SFRP4: variants seen among roughly 807,000 people sequenced by gnomAD.
The protein encoded by SFRP4 is secreted frizzled-related protein 4.
In SFRP4, 25 loss-of-function variants were observed where a neutral mutation model predicts 36.3. The observed-to-expected ratio is 0.69, with a 90% confidence interval of 0.50 to 0.96. The LOEUF (loss-of-function observed/expected upper bound fraction) is 0.96. SFRP4 is among the 40% of genes least tolerant of loss of function. The pLI is 0.00. For synonymous variants in SFRP4, 182 were observed against 168.8 expected, an observed-to-expected ratio of 1.08 and a Z score of -0.60; for missense variants, 487 against 459.6, an observed-to-expected ratio of 1.06 and a Z score of -0.54.
Position 37,916,187 on chromosome 7 carries a change from G to A in SFRP4, c.351C>T (p.His117=), listed in dbSNP as rs1323513000. The change falls in exon 1 of 6, where the codon CAC becomes CAT. Residue 117 remains histidine (H), a synonymous_variant. Transcript: ENST00000436072. This position sits in a 1 kb window ranked among gnomAD's most constrained non-coding sequence, Gnocchi z 4.1. ...CGCAGGCCAGGCTTTCGGGCCAGCT[G>A]TGGTTGTACATCTTCATGAGGGGCT... ...DCEPLMKMYN[H]SWPESLACDE... is the part of the protein sequence containing the mutation. 6.2e-7 allele frequency: 1 copy of A among 1,614,076 alleles called. No homozygotes were observed. The highest frequency in any genetic ancestry group is 2.2e-5 in the East Asian group (1 of 44,876).
intron 5 of SFRP4, among the ~76,000 whole-genome samples, chr7:37,909,381 G>A (rs1251629414): frequency 6.6e-6 from 1 of 152,136 alleles, no homozygotes; most frequent in Non-Finnish European, 1.5e-5. Flanking sequence ...GAAATAACCA[G>A]TACCTTAGTA....
intron 5 of SFRP4, among the ~76,000 whole-genome samples, chr7:37,909,168 T>C (rs1040485167): frequency 7.2e-5 from 11 of 152,160 alleles, no homozygotes; most frequent in African/African-American, 2.4e-4. Context: ...TTGCATATAA[T>C]TTTTGACAAA....
chr7:37,916,401 A>G lies in SFRP4; in HGVS notation c.137T>C (p.Leu46Pro), dbSNP rs1785577729. 1.2e-6 allele frequency: 2 copies of G among 1,614,024 alleles called. No homozygotes were observed. Among genetic ancestry groups the G allele is most frequent in the Non-Finnish European group, 1.7e-6 (2 of 1,180,012 alleles). ...GGCGTTCTCCTGCGTGCTGTGGTGC[A>G]GGTGGTTGGGCATCCGCGTGATGTT... Reference protein sequence around the residue: ...PWNITRMPNHLHHSTQENAIL... With the variant: ...PWNITRMPNHPHHSTQENAIL... Residue 46 changes from leucine to proline, a missense_variant, in exon 1 of 6, where the codon CTG becomes CCG. Transcript: ENST00000436072. This position sits in a 1 kb window ranked among gnomAD's most constrained non-coding sequence, Gnocchi z 4.1.
rs918838533 is a variant in SFRP4 at position 37,907,740 on chromosome 7, G to T, written c.856-76C>A. On this transcript the variant is annotated intron_variant, in intron 5 of 5. Coordinates refer to ENST00000436072, the MANE Select transcript of SFRP4 (RefSeq NM_003014.4). The stretch of plus-strand genomic sequence containing the variant: ...GTGCTCAGCTAATGTGAAAATTAAG[G>T]CAAGTTTTTCACTGTAATATATTAA... 4.5e-6 allele frequency: 5 copies of T among 1,122,812 alleles called. No individual in the cohort carries two copies. In the Admixed American group the frequency reaches 1.2e-4, roughly 26 times the overall value. 69.6% of individuals were successfully genotyped at this position (1,122,812 alleles called of 1,614,324 possible).
chr7:37,907,160 C>T lies in SFRP4; in HGVS notation c.*319G>A, dbSNP rs971628278. On this transcript the variant is annotated 3_prime_UTR_variant, in exon 6 of 6. Coordinates refer to ENST00000436072, the MANE Select transcript of SFRP4 (RefSeq NM_003014.4). Reference sequence around the variant, plus strand: ...TTATTTTACAATGCACATATTAGGTCGAATTGTAACAAGCATTATTTTCCC... The same window carrying T: ...TTATTTTACAATGCACATATTAGGTTGAATTGTAACAAGCATTATTTTCCC... 2.9e-5 allele frequency: 6 copies of T among 205,464 alleles called. No homozygotes were observed. Among genetic ancestry groups the T allele is most frequent in the East Asian group, 1.1e-4 (1 of 8,936 alleles). 12.7% of individuals were successfully genotyped at this position (205,464 alleles called of 1,614,324 possible).
intron 3 of SFRP4, among the ~76,000 whole-genome samples, chr7:37,913,041 A>C (rs1785519631): frequency 1.3e-5 from 2 of 152,178 alleles, no homozygotes; most frequent in African/African-American, 2.4e-5. Context: ...TTTCTTCATC[A>C]AGGTCGTTCA....
chr7:37,911,858 C>CT (rs1191107920), intron 4 of SFRP4, among the ~76,000 whole-genome samples: 1 of 35,758 alleles, frequency 2.8e-5, no homozygotes, highest in East Asian at 4.7e-4. Flanking sequence ...AATTGACTTG[C>CT]TGTAAATTTT....
chr7:37,912,849 A>G (rs532442454), intron 3 of SFRP4, among the ~76,000 whole-genome samples: 1 of 152,354 alleles, frequency 6.6e-6, no homozygotes, highest in South Asian at 2.1e-4. Flanking sequence ...GCAGAGATAG[A>G]ACTGTTATTA....
Position 37,916,331 on chromosome 7 carries a change from G to A in SFRP4, c.207C>T (p.Cys69=), listed in dbSNP as rs1336053393. The A allele has an allele frequency of 6.2e-7, 1 of 1,614,096 alleles. No homozygotes were observed. The highest frequency in any genetic ancestry group is 8.5e-7 in the Non-Finnish European group (1 of 1,180,038). ...AGAGGAAGAAGCGCAGCACGGCGCT[G>A]CAGTTCACGTCCACCAGCTCCTCGT... ...EQYEELVDVN[C]SAVLRFFLCA... is the part of the protein sequence containing the mutation. Residue 69 remains cysteine, a synonymous_variant, in exon 1 of 6, where the codon TGC becomes TGT. Transcript: ENST00000436072. The surrounding 1 kb of genome is among the most constrained non-coding windows in gnomAD (Gnocchi z 4.1).
chr7:37,913,066 C>T (rs1282422526), intron 3 of SFRP4, among the ~76,000 whole-genome samples: 2 of 152,084 alleles, frequency 1.3e-5, no homozygotes, highest in Admixed American at 6.6e-5. Context: ...CCATAACACC[C>T]CAGAGAATGA....
chr7:37,916,373 G>A lies in SFRP4; in HGVS notation c.165C>T (p.Ile55=). The part of the protein sequence containing the change: ...HLHHSTQENA[I]LAIEQYEELV... ...GCTCCTCGTACTGCTCGATGGCCAG[G>A]ATGGCGTTCTCCTGCGTGCTGTGGT... The change falls in exon 1 of 6, where the codon ATC becomes ATT. Residue 55 remains isoleucine, a synonymous_variant. Transcript: ENST00000436072. The surrounding 1 kb of genome is among the most constrained non-coding windows in gnomAD (Gnocchi z 4.1). 2 of 1,614,230 alleles carry A rather than the reference G, an allele frequency of 1.2e-6. No homozygotes were observed. Among genetic ancestry groups the A allele is most frequent in the Non-Finnish European group, 1.7e-6 (2 of 1,180,022 alleles).
chr7:37,909,877 G>C (rs2131986488), intron 4 of SFRP4, 197 bp from the exon 5 acceptor site: 1 of 360,258 alleles, frequency 2.8e-6, no homozygotes, highest in East Asian at 4.4e-5. Context: ...TGTGTATTGA[G>C]ATGATCTGCT....
In SFRP4 at chr7:37,905,978, C is replaced by G. The variant is rs532469302; in HGVS notation, c.*1501G>C. The G allele has an allele frequency of 1.5e-4, 23 of 152,216 alleles. No individual in the cohort carries two copies. Among genetic ancestry groups the G allele is most frequent in the African/African-American group, 5.5e-4 (23 of 41,524 alleles). 9.4% of individuals were successfully genotyped at this position (152,216 alleles called of 1,614,324 possible). A position where few individuals can be genotyped will look rare whatever the true frequency, so the allele number is the denominator to read the frequency against. ...TCAGTATTGTCAGTGAAGAAACCAC[C>G]TAAGTATCCAATAGCACAACAGTTT... is the stretch of plus-strand genomic sequence containing the variant. On this transcript the variant is annotated 3_prime_UTR_variant, in exon 6 of 6. Coordinates refer to ENST00000436072, the MANE Select transcript of SFRP4 (RefSeq NM_003014.4).
rs150761426 is a variant in SFRP4, at chr7:37,907,492, G to A, written c.1028C>T (p.Pro343Leu). ...AAACTAGTTAGCTCACACTCTTTTCGGGTTTGTTCTCTTCTGGGCACTCCT... is the reference window on the plus strand; with the variant it reads ...AAACTAGTTAGCTCACACTCTTTTCAGGTTTGTTCTCTTCTGGGCACTCCT... ...KTRSAQKRTN[P>L]KRV The change falls in exon 6 of 6, where the codon CCG becomes CTG. Residue 343 changes from proline to leucine, a missense_variant. By Grantham distance (98) the Pro-to-Leu change is moderately conservative. Coordinates refer to ENST00000436072, the MANE Select transcript of SFRP4 (RefSeq NM_003014.4). 10 of 1,612,688 alleles carry A rather than the reference G, an allele frequency of 6.2e-6. No homozygotes were observed. The highest frequency in any genetic ancestry group is 4.0e-5 in the African/African-American group (3 of 74,728).
Position 37,916,342 on chromosome 7 carries a change from C to T in SFRP4, c.196G>A (p.Asp66Asn), listed in dbSNP as rs1414396947. The change falls in exon 1 of 6, where the codon GAC becomes AAC. Residue 66 changes from aspartate to asparagine, a missense_variant. Transcript: ENST00000436072. The surrounding 1 kb of genome is among the most constrained non-coding windows in gnomAD (Gnocchi z 4.1). ...CGCAGCACGGCGCTGCAGTTCACGT[C>T]CACCAGCTCCTCGTACTGCTCGATG... Reference protein sequence around the residue: ...LAIEQYEELVDVNCSAVLRFF... With the variant: ...LAIEQYEELVNVNCSAVLRFF... 1 of 1,614,228 alleles carries T rather than the reference C, an allele frequency of 6.2e-7. No individual in the cohort carries two copies. Among genetic ancestry groups the T allele is most frequent in the South Asian group, 1.1e-5 (1 of 91,086 alleles).
At chr7:37,910,684 G>C (rs62446003) in intron 4 of SFRP4, among the ~76,000 whole-genome samples, 3 of 152,004 alleles carry the variant, frequency 2.0e-5, no homozygotes, top group Non-Finnish European at 2.9e-5. Flanking sequence ...GTAAAGCACA[G>C]TATAAAGTGA....
chr7:37,915,194 A>G (rs999370793), intron 1 of SFRP4, among the ~76,000 whole-genome samples: 2 of 152,236 alleles, frequency 1.3e-5, no homozygotes, highest in African/African-American at 4.8e-5. Flanking sequence ...GTATATAACC[A>G]AAACCAAGCA....
At chr7:37,915,308 T>C (rs1785556193) in intron 1 of SFRP4, among the ~76,000 whole-genome samples, 1 of 152,202 alleles carries the variant, frequency 6.6e-6, no homozygotes. Flanking sequence ...TAACCACTCC[T>C]CCTTCATGTT....
In SFRP4 at chr7:37,915,472, C is replaced by T. The variant is rs57709123; in HGVS notation, c.445+621G>A. On this transcript the variant is annotated intron_variant, in intron 1 of 5. Transcript: ENST00000436072. ...TTCAAGAAGTGAATTTAAACCTCTC[C>T]TTCTTTTTAGAAAAGCAGTCAAATG... is the stretch of plus-strand genomic sequence containing the variant. Among the ~76,000 whole-genome samples the T allele has an allele frequency of 6.4e-3, 979 of 152,310 alleles. 9 individuals are homozygous for T. Among genetic ancestry groups the T allele is most frequent in the African/African-American group, 0.022 (924 of 41,570 alleles).
Sources: allele counts gnomAD v4.1 joint callset (sites outside exome capture counted in the v4.1 genomes callset), GRCh38; gene constraint gnomAD v4.1.1; non-coding constraint Gnocchi (gnomAD v3.1); transcripts MANE v1.5; gene names NCBI Gene and HGNC (gene_info 2026-07-23, HGNC 2026-07-21).